SOX6: variants seen among roughly 807,000 people sequenced by gnomAD.
SOX6 encodes the protein transcription factor SOX-6.
In SOX6, 11 loss-of-function variants were observed where a neutral mutation model predicts 97.8. The observed-to-expected ratio is 0.11, with a 90% CI of 0.07 to 0.19. The LOEUF is 0.19. SOX6 is among the 10% of genes least tolerant of loss of function. SOX6 has a pLI of 1.00. For synonymous variants in SOX6, 360 were observed against 371.4 expected, an observed-to-expected ratio of 0.97 and a Z score of 0.35; for missense variants, 810 against 1,039.5, an observed-to-expected ratio of 0.78 and a Z score of 3.04.
At chr11:16,520,879 G>A (rs939737472) in intron 4 of SOX6, among the ~76,000 whole-genome samples, 4 of 152,254 alleles carry the variant, frequency 2.6e-5, no homozygotes, top group Admixed American at 1.3e-4. Flanking sequence ...CTGATTGCTA[G>A]CACAGCAGTG....
At chr11:16,215,940 T>C (rs1013935434) in intron 4 of SOX6, among the ~76,000 whole-genome samples, 10 of 152,190 alleles carry the variant, frequency 6.6e-5, no homozygotes, top group African/African-American at 2.2e-4. Flanking sequence ...TGTGTTCCAA[T>C]AATGTCTAGA....
chr11:16,050,033 A>G (rs1471625798), intron 10 of SOX6, 95 bp from the exon 11 acceptor site: 3 of 1,236,870 alleles, frequency 2.4e-6, no homozygotes, highest in South Asian at 2.4e-5. Context: ...CTCAGAGACA[A>G]TGCCACATTC....
intron 4 of SOX6, among the ~76,000 whole-genome samples, chr11:16,490,740 T>C (rs763020017): frequency 2.3e-4 from 35 of 152,030 alleles, no homozygotes; most frequent in Non-Finnish European, 4.4e-4. Flanking sequence ...GAGAAGTCCA[T>C]AACTGAAAGT....
At chr11:16,059,802 A>G (rs1423731712) in intron 9 of SOX6, among the ~76,000 whole-genome samples, 1 of 152,000 alleles carries the variant, frequency 6.6e-6, no homozygotes, top group African/African-American at 2.4e-5. Context: ...ACTCTGTTGT[A>G]TCATCTTCCT....
intron 6 of SOX6, among the ~76,000 whole-genome samples, chr11:16,152,720 G>A (rs1850488455): frequency 6.6e-6 from 1 of 151,398 alleles, no homozygotes; most frequent in African/African-American, 2.4e-5. Context: ...CTCAAAAATA[G>A]CTTTGATATC....
intron 7 of SOX6, among the ~76,000 whole-genome samples, chr11:16,102,199 A>G (rs898452742): frequency 6.6e-6 from 1 of 151,946 alleles, no homozygotes; most frequent in African/African-American, 2.4e-5. Context: ...ATACAAAATT[A>G]ATGTACACAA....
At chr11:16,433,408 GT>G (rs1200779733) in intron 1 of SOX6, among the ~76,000 whole-genome samples, 1 of 152,030 alleles carries the variant, frequency 6.6e-6, no homozygotes, top group East Asian at 1.9e-4. Context: ...GTGCAAGAAG[GT>G]TTTGGTAGGC....
chr11:16,611,374 T>C (rs1354193339), intron 4 of SOX6, among the ~76,000 whole-genome samples: 1 of 152,236 alleles, frequency 6.6e-6, no homozygotes, highest in Non-Finnish European at 1.5e-5. Flanking sequence ...GCTAACTTCT[T>C]TCAGGAAGGA....
intron 7 of SOX6, among the ~76,000 whole-genome samples, chr11:16,106,458 A>C (rs1849088884): frequency 6.6e-6 from 1 of 152,054 alleles, no homozygotes. Flanking sequence ...GATTTTTGAC[A>C]AAGGTGCAAA....
At chr11:16,682,276 C>T (rs1044755653) in intron 3 of SOX6, among the ~76,000 whole-genome samples, 5 of 152,170 alleles carry the variant, frequency 3.3e-5, no homozygotes, top group Non-Finnish European at 7.3e-5. Context: ...GCTGAGATTG[C>T]ACCACTGCAC....
At chr11:16,457,721 T>C (rs987314840) in intron 1 of SOX6, among the ~76,000 whole-genome samples, 1 of 152,042 alleles carries the variant, frequency 6.6e-6, no homozygotes, top group Admixed American at 6.6e-5. Context: ...GAATTCTTTT[T>C]TGCTTCTTAG....
chr11:15,994,371 T>TAA (rs369275335), intron 13 of SOX6, among the ~76,000 whole-genome samples: 2 of 96,102 alleles, frequency 2.1e-5, no homozygotes, highest in African/African-American at 7.6e-5. Context: ...CACAGGGTTA[T>TAA]AAAAAAAAAA....
chr11:16,650,641 G>C (rs1178636506), intron 3 of SOX6, among the ~76,000 whole-genome samples: 4 of 152,024 alleles, frequency 2.6e-5, no homozygotes, highest in Admixed American at 2.6e-4. Context: ...TAAGAGAAAA[G>C]TTCATAGTAT....
At chr11:16,594,383 TA>T (rs1848187052) in intron 4 of SOX6, among the ~76,000 whole-genome samples, 1 of 152,316 alleles carries the variant, frequency 6.6e-6, no homozygotes, top group East Asian at 1.9e-4. Flanking sequence ...TGTAAACATT[TA>T]AAGAATCTGA....
chr11:16,658,828 G>GA (rs1374382368), intron 3 of SOX6, among the ~76,000 whole-genome samples: 1 of 152,050 alleles, frequency 6.6e-6, no homozygotes, highest in East Asian at 1.9e-4. Context: ...TTTCTAATTG[G>GA]AAAAATGTTT....
intron 6 of SOX6, among the ~76,000 whole-genome samples, chr11:16,171,255 TCTGGATTTGATA>T (rs1171832159): frequency 6.6e-6 from 1 of 151,856 alleles, no homozygotes; most frequent in Non-Finnish European, 1.5e-5. Flanking sequence ...AAAAAGCAGA[TCTGGATTTGATA>T]AGTAAAACCA....
intron 4 of SOX6, among the ~76,000 whole-genome samples, chr11:16,495,107 T>C (rs913127925): frequency 2.6e-5 from 4 of 152,010 alleles, no homozygotes; most frequent in South Asian, 2.1e-4. Context: ...AGCTGAAACA[T>C]GAGCCACTGG....
intron 3 of SOX6, among the ~76,000 whole-genome samples, chr11:16,274,293 T>C (rs954132545): frequency 6.6e-5 from 10 of 152,074 alleles, no homozygotes; most frequent in African/African-American, 2.2e-4. Flanking sequence ...TAAAATAAAA[T>C]GTATCAATTT....
rs576371571 is a variant in SOX6 at position 16,175,404 on chromosome 11, A to C, written c.777+8482T>G. Among the ~76,000 whole-genome samples the C allele has an allele frequency of 1.3e-3, 204 of 152,082 alleles. 1 individual carries two copies. The highest frequency in any genetic ancestry group is 4.6e-3 in the African/African-American group (190 of 41,528). ...TAGGAAATACAGGCTGAGAGACATT[A>C]AGTAACTTGTCTTACAGCTACTAAG... On this transcript the variant is annotated intron_variant, in intron 6 of 15. Transcript: ENST00000683767.
Sources: allele counts gnomAD v4.1 joint callset (sites outside exome capture counted in the v4.1 genomes callset), GRCh38; gene constraint gnomAD v4.1.1; transcripts MANE v1.5; gene names NCBI Gene and HGNC (gene_info 2026-07-23, HGNC 2026-07-21).